Variants in GYS2 observed in about 807,000 individuals in gnomAD.
GYS2 encodes the protein glycogen [starch] synthase, liver.
GYS2 carries 80 observed loss-of-function variants against 85.6 expected under a neutral mutation model. That is an observed-to-expected ratio of 0.93 (90% CI 0.78 to 1.13). The LOEUF is 1.13. GYS2 is among the 50% of genes most tolerant of loss of function. The pLI is 0.00. For synonymous variants in GYS2, 328 were observed against 300.7 expected (o/e 1.09, Z -0.94); for missense variants, 881 against 854.9 (o/e 1.03, Z -0.38).
In GYS2 at chr12:21,540,488, CTGTT is replaced by C. The variant is rs774753583; in HGVS notation, c.1727_1730del (p.Lys576SerfsTer25). ...TCTGGATAATCCTTTGGCGGCGTGA[CTGTT>C]TGCAAAATCCATAGAGAAACTTAGT... On this transcript the variant is annotated frameshift_variant, in exon 14 of 16. Coordinates refer to ENST00000261195, the MANE Select transcript of GYS2 (RefSeq NM_021957.4). LOFTEE classifies it high-confidence loss of function. 1.9e-6 allele frequency: 3 copies of C among 1,614,002 alleles called. No homozygotes were observed. Among genetic ancestry groups the C allele is most frequent in the South Asian group, 2.2e-5 (2 of 91,080 alleles).
intron 11 of GYS2, among the ~76,000 whole-genome samples, chr12:21,557,899 A>G (rs1055391172): frequency 2.0e-5 from 3 of 152,138 alleles, no homozygotes; most frequent in Non-Finnish European, 4.4e-5. Context: ...ACTCCGTCTC[A>G]AAAAAAGAAA....
chr12:21,584,368 ATGTGAGTG>A (rs58290573), intron 1 of GYS2, among the ~76,000 whole-genome samples: 62,884 of 151,874 alleles, frequency 0.41, 13,594 homozygotes, highest in Middle Eastern at 0.53. Context: ...TTTTCATCCC[ATGTGAGTG>A]CTCACCAATG....
At chr12:21,575,831 G>T (rs771290917) in intron 3 of GYS2, 35 bp downstream of exon 3, 14 of 1,508,996 alleles carry the variant, frequency 9.3e-6, no homozygotes, top group Non-Finnish European at 1.1e-5. Flanking sequence ...CAGTTGTGCT[G>T]CTCCTCCGTT....
intron 9 of GYS2, 27 bp downstream of exon 9, chr12:21,559,624 G>A (rs1230100169): frequency 2.5e-6 from 3 of 1,212,836 alleles, no homozygotes; most frequent in South Asian, 2.4e-5. Context: ...TTAAGTGATT[G>A]AAGTAGAAAG....
chr12:21,584,913 A>G (rs1421694986), intron 1 of GYS2, among the ~76,000 whole-genome samples: 1 of 152,168 alleles, frequency 6.6e-6, no homozygotes, highest in African/African-American at 2.4e-5. Context: ...CATGGAATTT[A>G]CTGGTCTTAC....
intron 11 of GYS2, among the ~76,000 whole-genome samples, chr12:21,553,751 T>C (rs1944140830): frequency 1.3e-5 from 2 of 151,908 alleles, no homozygotes; most frequent in African/African-American, 4.8e-5. Context: ...TTAACACTAA[T>C]ATATTTAAAA....
chr12:21,557,891 T>TC (rs1335891683), intron 11 of GYS2, among the ~76,000 whole-genome samples: 1 of 151,878 alleles, frequency 6.6e-6, no homozygotes, highest in Non-Finnish European at 1.5e-5. Context: ...AGAGCGAGAC[T>TC]CCGTCTCAAA....
chr12:21,602,476 T>C (rs144429100), intron 1 of GYS2, among the ~76,000 whole-genome samples: 5 of 152,186 alleles, frequency 3.3e-5, no homozygotes, highest in Non-Finnish European at 7.4e-5. Flanking sequence ...AGTGGCAATG[T>C]ATTATTAGGA....
intron 15 of GYS2, among the ~76,000 whole-genome samples, chr12:21,537,965 A>G (rs1943929804): frequency 6.6e-6 from 1 of 152,162 alleles, no homozygotes; most frequent in South Asian, 2.1e-4. Flanking sequence ...CATGTCATAC[A>G]TGTACAGTCA....
rs769880416 is a variant in GYS2, at chr12:21,537,112, A to C, written c.1954T>G (p.Ser652Ala). 1.2e-6 allele frequency: 2 copies of C among 1,613,878 alleles called. No homozygotes were observed. The highest frequency in any genetic ancestry group is 4.5e-5 in the East Asian group (2 of 44,878). Reference protein sequence around the residue: ...VPPSPSGSQASSPQSSDVEDE... With the variant: ...VPPSPSGSQAASPQSSDVEDE... ...TCCACATCACTGCTCTGAGGACTGG[A>C]GGCCTGAGACCCTGAAGGAGAAGGT... Residue 652 changes from serine (S) to alanine (A), a missense_variant, in exon 16 of 16, where the codon TCC (serine) becomes GCC (alanine). Coordinates refer to ENST00000261195, the MANE Select transcript of GYS2 (RefSeq NM_021957.4).
chr12:21,601,813 C>G (rs1944758949), intron 1 of GYS2, among the ~76,000 whole-genome samples: 1 of 152,092 alleles, frequency 6.6e-6, no homozygotes, highest in Non-Finnish European at 1.5e-5. Flanking sequence ...CTCTCAGTGC[C>G]TGATACCTAA....
downstream of GYS2, among the ~76,000 whole-genome samples, chr12:21,533,743 T>C (rs1456881078): frequency 1.3e-5 from 2 of 152,236 alleles, no homozygotes; most frequent in Non-Finnish European, 2.9e-5. Context: ...TAACTCTTAC[T>C]ATGGAAGAGA....
intron 11 of GYS2, among the ~76,000 whole-genome samples, chr12:21,556,250 C>T (rs1944177791): frequency 1.3e-5 from 2 of 152,088 alleles, no homozygotes; most frequent in African/African-American, 4.8e-5. Context: ...ACAATCGCAG[C>T]CTCTACCTCC....
At position 21,574,130 on chromosome 12, in the gene GYS2, G is replaced by A; in HGVS notation, c.678+14C>T. The A allele has an allele frequency of 6.3e-7, 1 of 1,581,286 alleles. No individual in the cohort carries two copies. The highest frequency in any genetic ancestry group is 8.7e-7 in the Non-Finnish European group (1 of 1,150,128). On this transcript the variant is annotated intron_variant, in intron 4 of 15. Transcript: ENST00000261195. ...AGAAGGGTGAGTAAGAGGGAGGGAGGAAGGAATATTTACCTTATCAAGATG... is the reference window on the plus strand; with the variant it reads ...AGAAGGGTGAGTAAGAGGGAGGGAGAAAGGAATATTTACCTTATCAAGATG...
intron 1 of GYS2, among the ~76,000 whole-genome samples, chr12:21,603,393 G>C (rs1324432903): frequency 6.6e-6 from 1 of 151,970 alleles, no homozygotes; most frequent in Non-Finnish European, 1.5e-5. Flanking sequence ...GTTAGTATAA[G>C]GTGAATTCTG....
chr12:21,557,553 T>C (rs567294197), intron 11 of GYS2, among the ~76,000 whole-genome samples: 54 of 152,350 alleles, frequency 3.5e-4, no homozygotes, highest in African/African-American at 1.3e-3. Context: ...CATGTTAATA[T>C]CAACGATTCT....
rs757253721 is a variant in GYS2, at chr12:21,574,310, T to C, written c.512A>G (p.Asp171Gly). Residue 171 changes from aspartate (D) to glycine (G), a missense_variant, in exon 4 of 16, where the codon GAT becomes GGT. Physicochemically the swap from Asp to Gly is moderately conservative, Grantham distance 94. Transcript: ENST00000261195. ...WFLKEVTDHA[D>G]GKYVVAQFHE... ...GAATTGGGCAACGACATATTTACCATCTGCATGATCTGTCACCTACATTAG... is the reference window on the plus strand; with the variant it reads ...GAATTGGGCAACGACATATTTACCACCTGCATGATCTGTCACCTACATTAG... 3 of 1,613,402 alleles carry C rather than the reference T, an allele frequency of 1.9e-6. No individual in the cohort carries two copies. The highest frequency in any genetic ancestry group is 4.5e-5 in the East Asian group (2 of 44,866).
chr12:21,561,018 G>A (rs773526793), intron 7 of GYS2, among the ~76,000 whole-genome samples: 10 of 152,098 alleles, frequency 6.6e-5, no homozygotes, highest in Non-Finnish European at 1.3e-4. Flanking sequence ...TCCGCTAAAT[G>A]TCTTGATTCT....
chr12:21,536,849 T>C lies in GYS2; in HGVS notation c.*105A>G, dbSNP rs1475043610. ...CTTTTTAGGCAGAGAATAAACTCCA[T>C]TGTAATACTTAGAAGGAGAAAATGA... On this transcript the variant is annotated 3_prime_UTR_variant, in exon 16 of 16. Transcript: ENST00000261195. 29 of 790,786 alleles carry C rather than the reference T, an allele frequency of 3.7e-5. No homozygotes were observed. In the Admixed American group the frequency reaches 4.6e-4, roughly 13 times the overall value. The allele number at this position is 790,786 out of a possible 1,614,324, so 49.0% of individuals were successfully genotyped here.
Sources: allele counts gnomAD v4.1 joint callset (sites outside exome capture counted in the v4.1 genomes callset), GRCh38; gene constraint gnomAD v4.1.1; transcripts MANE v1.5; gene names NCBI Gene and HGNC (gene_info 2026-07-23, HGNC 2026-07-21).